The following BTRC variants were observed in gnomAD, a reference collection of about 807,000 sequenced individuals.
BTRC encodes the protein beta-transducin repeat containing E3 ubiquitin protein ligase, also known as F-box/WD repeat-containing protein 1A.
BTRC carries 42 observed loss-of-function variants against 85.5 expected under a neutral mutation model. The ratio of observed to expected loss-of-function variants is 0.49; its 90% CI spans 0.38 to 0.64. The LOEUF is 0.64. BTRC is among the 30% of genes least tolerant of loss of function. The probability of loss-of-function intolerance (pLI) is 0.00; values close to 1 mark genes in which losing one functional copy is unlikely to be tolerated. For missense variants in BTRC, 594 were observed against 743.5 expected, an observed-to-expected ratio of 0.80 and a Z score of 2.34; for synonymous variants, 255 against 263.3, an observed-to-expected ratio of 0.97 and a Z score of 0.30.
intron 1 of BTRC, among the ~76,000 whole-genome samples, chr10:101,397,631 AT>A (rs1265861487): frequency 6.6e-6 from 1 of 152,178 alleles, no homozygotes; most frequent in Non-Finnish European, 1.5e-5. Flanking sequence ...AAGTTAGGAA[AT>A]TTATTTATTG....
intron 4 of BTRC, among the ~76,000 whole-genome samples, chr10:101,495,382 T>C (rs1208677106): frequency 6.6e-6 from 1 of 152,234 alleles, no homozygotes; most frequent in African/African-American, 2.4e-5. Flanking sequence ...AAAACTGGCA[T>C]AGGCAGCCTA....
At chr10:101,392,043 T>C (rs1020737985) in intron 1 of BTRC, among the ~76,000 whole-genome samples, 2 of 152,096 alleles carry the variant, frequency 1.3e-5, no homozygotes, top group Non-Finnish European at 2.9e-5. Flanking sequence ...GCAGTGCCGC[T>C]ATCTCAGCTC....
At position 101,399,468 on chromosome 10, in the gene BTRC, AG is replaced by A. The variant is rs1943444635; in HGVS notation, c.49-30876del. 2.0e-5 allele frequency among the ~76,000 whole-genome samples: 3 copies of A among 152,258 alleles called. No individual in the cohort carries two copies. The South Asian group carries it at 6.2e-4, about 32-fold the overall frequency. On this transcript the variant is annotated intron_variant, in intron 1 of 14. Coordinates refer to ENST00000370187, the MANE Select transcript of BTRC (RefSeq NM_033637.4). ...TTCAGATACCCAGCAAACAGTTCAAAGATTGCATTAACAAGCTAGCTAACAT... is the reference window on the plus strand; with the variant it reads ...TTCAGATACCCAGCAAACAGTTCAAAATTGCATTAACAAGCTAGCTAACAT...
chr10:101,367,504 T>C (rs1942503580), intron 1 of BTRC, among the ~76,000 whole-genome samples: 1 of 152,176 alleles, frequency 6.6e-6, no homozygotes, highest in Non-Finnish European at 1.5e-5. Flanking sequence ...TATAGCTCAG[T>C]GAGTTTTTAC....
intron 3 of BTRC, among the ~76,000 whole-genome samples, chr10:101,470,357 G>T (rs535127927): frequency 7.1e-6 from 1 of 140,022 alleles, no homozygotes; most frequent in Non-Finnish European, 1.5e-5. Context: ...TTTTGAGACG[G>T]AGTCTCGCTG....
rs1236083477 is a variant in BTRC, at chr10:101,555,530, C to T, written c.*2407C>T. 1.3e-5 allele frequency: 2 copies of T among 152,472 alleles called. No individual in the cohort carries two copies. The highest frequency in any genetic ancestry group is 6.5e-5 in the Admixed American group (1 of 15,282). The allele number at this position is 152,472 out of a possible 1,614,324, so 9.4% of individuals were successfully genotyped here. A position where few individuals can be genotyped will look rare whatever the true frequency, so the allele number is the denominator to read the frequency against. The stretch of plus-strand genomic sequence containing the variant: ...GTTAAGTGGTCTGAAAAACTTGAAT[C>T]GTTCACATTTCTCAGCTCTGGGGGT... On this transcript the variant is annotated 3_prime_UTR_variant, in exon 15 of 15. Coordinates refer to ENST00000370187, the MANE Select transcript of BTRC (RefSeq NM_033637.4).
At chr10:101,536,417 A>G (rs897221326) in intron 11 of BTRC, 126 bp from the exon 12 acceptor site, 1 of 653,954 alleles carries the variant, frequency 1.5e-6, no homozygotes, top group Non-Finnish European at 2.8e-6. Flanking sequence ...AGCAGTACAT[A>G]TCTGTGTGGG....
intron 4 of BTRC, among the ~76,000 whole-genome samples, chr10:101,497,741 G>T (rs553345899): frequency 6.6e-6 from 1 of 152,012 alleles, no homozygotes; most frequent in South Asian, 2.1e-4. Context: ...AACGAAGTTG[G>T]CTGGGCGTGA....
chr10:101,427,113 CTT>C (rs138285266), intron 1 of BTRC, among the ~76,000 whole-genome samples: 9 of 109,360 alleles, frequency 8.2e-5, no homozygotes, highest in South Asian at 6.0e-4. Context: ...TTTTTTCTTT[CTT>C]TTTTTTTTTT....
At chr10:101,543,615 C>CTTTTT (rs60958588) in intron 13 of BTRC, among the ~76,000 whole-genome samples, 2 of 147,064 alleles carry the variant, frequency 1.4e-5, no homozygotes, top group East Asian at 2.0e-4. Context: ...TTTTCATGCT[C>CTTTTT]TTTTTTTTTT....
intron 1 of BTRC, among the ~76,000 whole-genome samples, chr10:101,407,728 CTT>C (rs60661364): frequency 3.6e-5 from 5 of 138,266 alleles, no homozygotes; most frequent in Non-Finnish European, 3.1e-5. Flanking sequence ...TTTTCTTTTT[CTT>C]TTTTTTTTTT....
intron 1 of BTRC, among the ~76,000 whole-genome samples, chr10:101,389,531 A>C (rs1589412445): frequency 7.2e-6 from 1 of 138,752 alleles, no homozygotes; most frequent in East Asian, 2.2e-4. Flanking sequence ...GTCCTTTCCC[A>C]CCTATGTCTT....
intron 4 of BTRC, among the ~76,000 whole-genome samples, chr10:101,508,920 A>AAAAAAAAAAAAAC (rs1946614856): frequency 6.7e-6 from 1 of 149,220 alleles, no homozygotes; most frequent in Admixed American, 6.6e-5. Context: ...TCTTAAAAAA[A>AAAAAAAAAAAAAC]AAAAAAAAAA....
intron 4 of BTRC, among the ~76,000 whole-genome samples, chr10:101,521,152 T>A (rs1241554754): frequency 6.6e-6 from 1 of 151,912 alleles, no homozygotes; most frequent in East Asian, 1.9e-4. Context: ...TGTACCTATA[T>A]AGTCCCAGCT....
chr10:101,432,435 A>G (rs967359939), intron 2 of BTRC, among the ~76,000 whole-genome samples: 9 of 152,050 alleles, frequency 5.9e-5, no homozygotes, highest in Non-Finnish European at 7.4e-5. Flanking sequence ...GCTATATCCT[A>G]TATTTTTAAC....
At chr10:101,534,573 A>G (rs1033418335) in intron 9 of BTRC, 88 bp from the exon 10 acceptor site, 4 of 1,524,734 alleles carry the variant, frequency 2.6e-6, no homozygotes, top group African/African-American at 1.4e-5. Context: ...CTCTCTCTAA[A>G]TATAAGGGGT....
At chr10:101,446,447 A>G (rs996484266) in intron 2 of BTRC, among the ~76,000 whole-genome samples, 10 of 152,116 alleles carry the variant, frequency 6.6e-5, no homozygotes, top group African/African-American at 2.2e-4. Flanking sequence ...ATTTTTTGCT[A>G]TTTGATATAC....
At chr10:101,520,581 G>C (rs1190154159) in intron 4 of BTRC, among the ~76,000 whole-genome samples, 1 of 152,140 alleles carries the variant, frequency 6.6e-6, no homozygotes, top group East Asian at 1.9e-4. Flanking sequence ...TGTTATTTTA[G>C]CTTTATGTCC....
At chr10:101,440,519 G>A (rs1260191697) in intron 2 of BTRC, among the ~76,000 whole-genome samples, 4 of 151,996 alleles carry the variant, frequency 2.6e-5, no homozygotes, top group Non-Finnish European at 5.9e-5. Flanking sequence ...TCAGAAATTC[G>A]AGACCAGCCT....
Sources: allele counts gnomAD v4.1 joint callset (sites outside exome capture counted in the v4.1 genomes callset), GRCh38; gene constraint gnomAD v4.1.1; transcripts MANE v1.5; gene names NCBI Gene and HGNC (gene_info 2026-07-23, HGNC 2026-07-21).